Variants in ARSG observed in about 807,000 individuals in gnomAD.
ARSG encodes ASG.
ARSG carries 37 observed loss-of-function variants against 50.5 expected under a neutral mutation model. The ratio of observed to expected loss-of-function variants is 0.73; its 90% CI spans 0.56 to 0.96. The LOEUF is 0.96. Among genes scored for constraint, ARSG ranks in the 50% least tolerant of loss-of-function variants. The pLI, the probability that ARSG is intolerant of heterozygous loss-of-function variation, is 0.00. For synonymous variants in ARSG, 225 were observed against 254.6 expected (o/e 0.88, Z 1.11); for missense variants, 629 against 675.3 (o/e 0.93, Z 0.76).
chr17:68,397,912 G>A (rs568085352), intron 10 of ARSG, among the ~76,000 whole-genome samples: 32 of 152,144 alleles, frequency 2.1e-4, no homozygotes, highest in African/African-American at 5.1e-4. Context: ...TATTACAGGC[G>A]TTCACCACCA....
the ARSG span, among the ~76,000 whole-genome samples, chr17:68,431,383 C>T: frequency 1.3e-5 from 2 of 151,848 alleles, no homozygotes; most frequent in Non-Finnish European, 2.9e-5. Flanking sequence ...GAGCCCGGCA[C>T]GTGGCGCATA....
chr17:68,308,837 C>A (rs1555765501), intron 2 of ARSG, among the ~76,000 whole-genome samples: 1 of 152,260 alleles, frequency 6.6e-6, no homozygotes, highest in Admixed American at 6.5e-5. Context: ...ACTCAGGAGC[C>A]CAGCTGGCTT....
intron 2 of ARSG, among the ~76,000 whole-genome samples, chr17:68,339,283 G>A (rs935162040): frequency 3.3e-5 from 5 of 152,006 alleles, no homozygotes; most frequent in African/African-American, 1.2e-4. Flanking sequence ...GGGCGACAGA[G>A]CGAGACTGTA....
chr17:68,270,569 A>AC lies in ARSG; in HGVS notation c.-552+11143_-552+11144insC, dbSNP rs1405255613. On this transcript the variant is annotated intron_variant, in intron 1 of 11. Transcript: ENST00000448504. ...ACTCCATCTCAAAAAAAAAAAAAAA[A>AC]GGCCAGGGTCAATCTGGACTACAGA... is the stretch of plus-strand genomic sequence containing the variant. Among the ~76,000 whole-genome samples, 281 of 151,448 alleles carry AC rather than the reference A, an allele frequency of 1.9e-3. 1 individual carries two copies. The highest frequency in any genetic ancestry group is 6.5e-3 in the African/African-American group (270 of 41,318).
chr17:68,304,526 C>T (rs566029025), intron 1 of ARSG, among the ~76,000 whole-genome samples: 1 of 152,322 alleles, frequency 6.6e-6, no homozygotes, highest in East Asian at 1.9e-4. Context: ...TTACATACCT[C>T]TAACCACCCC....
the ARSG span, among the ~76,000 whole-genome samples, chr17:68,438,789 CAG>C: frequency 1.3e-5 from 2 of 152,174 alleles, no homozygotes; most frequent in African/African-American, 4.8e-5. Context: ...TCAGTAGAGA[CAG>C]GGTTTCACCA....
chr17:68,443,857 T>A, the ARSG span, among the ~76,000 whole-genome samples: 5 of 152,234 alleles, frequency 3.3e-5, no homozygotes, highest in Non-Finnish European at 7.3e-5. Context: ...CACCACACAA[T>A]GAAGGAATTC....
At chr17:68,390,322 C>G (rs1393411401) in intron 9 of ARSG, among the ~76,000 whole-genome samples, 2 of 152,198 alleles carry the variant, frequency 1.3e-5, no homozygotes, top group African/African-American at 2.4e-5. Context: ...GATAAGAACA[C>G]AAATATGCAC....
In ARSG at chr17:68,281,524, G is replaced by A. The variant is rs2075696399; in HGVS notation, c.-552+22098G>A. Reference sequence around the variant, plus strand: ...TGGGAGGTGGAGGTTGCAGTGAGCCGAGATCGTGCCACTGTACTCCAGCCT... The same window carrying A: ...TGGGAGGTGGAGGTTGCAGTGAGCCAAGATCGTGCCACTGTACTCCAGCCT... On this transcript the variant is annotated intron_variant, in intron 1 of 11. Transcript: ENST00000448504. Among the ~76,000 whole-genome samples, 2 of 152,130 alleles carry A rather than the reference G, an allele frequency of 1.3e-5. 1 individual carries two copies. Among genetic ancestry groups the A allele is most frequent in the South Asian group, 4.1e-4 (2 of 4,832 alleles).
intron 1 of ARSG, among the ~76,000 whole-genome samples, chr17:68,286,406 C>T (rs2075843317): frequency 6.6e-6 from 1 of 152,196 alleles, no homozygotes; most frequent in Non-Finnish European, 1.5e-5. Context: ...AATCGGGAAA[C>T]TGATCCCCAA....
chr17:68,375,356 C>T (rs2080092948), intron 8 of ARSG, among the ~76,000 whole-genome samples: 1 of 152,112 alleles, frequency 6.6e-6, no homozygotes, highest in Non-Finnish European at 1.5e-5. Context: ...ATTAGCACCA[C>T]CTGAGAAATT....
chr17:68,442,506 G>A, the ARSG span, among the ~76,000 whole-genome samples: 5 of 152,114 alleles, frequency 3.3e-5, no homozygotes, highest in Admixed American at 1.3e-4. Context: ...GTTTGCAAGG[G>A]AGGGTGCTCA....
chr17:68,308,458 C>T (rs554264885), intron 2 of ARSG, among the ~76,000 whole-genome samples: 8 of 152,230 alleles, frequency 5.3e-5, no homozygotes, highest in Admixed American at 2.6e-4. Flanking sequence ...TTGTTCGTTC[C>T]TCCCGGTGGG....
intron 1 of ARSG, among the ~76,000 whole-genome samples, chr17:68,284,950 C>T (rs2075808264): frequency 1.3e-5 from 2 of 152,128 alleles, no homozygotes; most frequent in African/African-American, 4.8e-5. Flanking sequence ...CTGCCTGTAC[C>T]TTGTACACAG....
intron 4 of ARSG, among the ~76,000 whole-genome samples, chr17:68,351,249 G>A (rs1208495886): frequency 6.6e-6 from 1 of 150,930 alleles, no homozygotes; most frequent in East Asian, 1.9e-4. Flanking sequence ...AAAGTGTCAT[G>A]TATATAGTAG....
Position 68,356,946 on chromosome 17 carries a change from A to G in ARSG, c.704+142A>G, listed in dbSNP as rs1426703307. 1.1e-5 allele frequency: 11 copies of G among 1,031,862 alleles called. No individual in the cohort carries two copies. In the South Asian group the frequency reaches 1.3e-4, roughly 12 times the overall value. 63.9% of individuals were successfully genotyped at this position (1,031,862 alleles called of 1,614,324 possible). On this transcript the variant is annotated intron_variant, in intron 6 of 11. Coordinates refer to ENST00000621439, the MANE Select transcript of ARSG (RefSeq NM_001267727.2). ...AGAGATGGATGCATACATGTCTCCT[A>G]TAAGTAAAGCTGGAAAACAGCCCCT...
At chr17:68,451,273 A>C in the ARSG span, among the ~76,000 whole-genome samples, 1 of 152,166 alleles carries the variant, frequency 6.6e-6, no homozygotes, top group Non-Finnish European at 1.5e-5. Flanking sequence ...TCTACTAAAA[A>C]TATTTTAAAA....
At chr17:68,447,442 C>T in the ARSG span, among the ~76,000 whole-genome samples, 5 of 152,268 alleles carry the variant, frequency 3.3e-5, no homozygotes, top group African/African-American at 4.8e-5. Flanking sequence ...AATGCAGCAG[C>T]GTGATCATAG....
chr17:68,265,323 G>A (rs1555746129), intron 1 of ARSG, among the ~76,000 whole-genome samples: 1 of 151,630 alleles, frequency 6.6e-6, no homozygotes, highest in African/African-American at 2.4e-5. Context: ...GCAAAATCCT[G>A]TCTCCACTAA....
Sources: gnomAD v4.1 joint callset for allele counts (sites outside exome capture counted in the v4.1 genomes callset) on GRCh38, gnomAD v4.1.1 for gene constraint, MANE v1.5 for transcripts, NCBI Gene and HGNC (gene_info 2026-07-23, HGNC 2026-07-21) for gene names.